Variants in HDAC2 observed in about 807,000 individuals in gnomAD.
HDAC2 encodes the protein YY1-associated factor 1.
Under a neutral mutation model 68.5 loss-of-function variants are expected in HDAC2, and 5 were observed. The observed-to-expected ratio is 0.07, with a 90% confidence interval of 0.04 to 0.15. The LOEUF is 0.15. Among genes scored for constraint, HDAC2 ranks in the 10% least tolerant of loss-of-function variants. The probability of loss-of-function intolerance (pLI) is 1.00; values close to 1 mark genes in which losing one functional copy is unlikely to be tolerated. For missense variants in HDAC2, 291 were observed against 600.8 expected (o/e 0.48, Z 5.39); for synonymous variants, 182 against 191.3 (o/e 0.95, Z 0.40).
chr6:113,965,511 G>A (rs1410435705), intron 1 of HDAC2, among the ~76,000 whole-genome samples: 1 of 152,084 alleles, frequency 6.6e-6, no homozygotes, highest in Non-Finnish European at 1.5e-5. Flanking sequence ...TGGGATTACA[G>A]GCACCCGTCA....
chr6:113,965,996 TTTTG>T (rs1233355564), intron 1 of HDAC2, among the ~76,000 whole-genome samples: 4 of 127,562 alleles, frequency 3.1e-5, no homozygotes, highest in South Asian at 2.6e-4. Flanking sequence ...TGTTAAGGAG[TTTTG>T]TTTGTTTGGT....
intron 8 of HDAC2, chr6:113,947,971 A>G (rs145106247): frequency 2.4e-4 from 36 of 152,264 alleles, no homozygotes; most frequent in African/African-American, 8.7e-4. Flanking sequence ...GTTCACGTGG[A>G]AAAAAACCTC....
Position 113,943,395 on chromosome 6 carries a change from G to T in HDAC2, c.1334C>A (p.Ala445Asp). 6.2e-7 allele frequency: 1 copy of T among 1,608,940 alleles called. No homozygotes were observed. The highest frequency in any genetic ancestry group is 1.1e-5 in the South Asian group (1 of 90,470). ...TTCTTTCTTATCTTCTTCAATTCTA[G>T]CTTTCTTTGCTCCTTTCTTATGATC... ...VADHKKGAKK[A>D]RIEEDKKETE... Residue 445 changes from alanine to aspartate, a missense_variant, in exon 12 of 14, where the codon GCT becomes GAT. Ala to Asp is a moderately radical substitution (Grantham distance 126). Transcript: ENST00000519065.
intron 5 of HDAC2, among the ~76,000 whole-genome samples, chr6:113,954,287 AAAC>A (rs779368688): frequency 2.6e-5 from 4 of 152,226 alleles, no homozygotes; most frequent in African/African-American, 9.6e-5. Context: ...GTGCTAAATA[AAAC>A]AATACAATGT....
At chr6:113,970,127 C>G (rs1361601158) in intron 1 of HDAC2, 2 of 152,116 alleles carry the variant, frequency 1.3e-5, no homozygotes, top group African/African-American at 4.8e-5. Flanking sequence ...CCATTTGAAT[C>G]CTGAGAAAGA....
intron 1 of HDAC2, chr6:113,962,347 G>A (rs1714803456): frequency 4.6e-6 from 4 of 872,732 alleles, no homozygotes; most frequent in Admixed American, 6.2e-5. Flanking sequence ...ATAACAACAG[G>A]GAATGTCAAG....
At chr6:113,954,808 A>T (rs970836752) in intron 5 of HDAC2, among the ~76,000 whole-genome samples, 2 of 152,234 alleles carry the variant, frequency 1.3e-5, no homozygotes, top group Non-Finnish European at 2.9e-5. Flanking sequence ...AGTATAATAC[A>T]AAGTAGAATC....
intron 12 of HDAC2, among the ~76,000 whole-genome samples, chr6:113,942,432 T>TAA (rs5879239): frequency 0.25 from 35,770 of 141,586 alleles, 4,633 homozygotes; most frequent in East Asian, 0.3. Flanking sequence ...CTCTCTAGTT[T>TAA]AAAAAAAAAA....
At position 113,970,936 on chromosome 6, in the gene HDAC2, GCTC is replaced by G. The variant is rs752605124; in HGVS notation, c.-31_-29del. On this transcript the variant is annotated 5_prime_UTR_variant, in exon 1 of 14. Coordinates refer to ENST00000519065, the MANE Select transcript of HDAC2 (RefSeq NM_001527.4). Reference sequence around the variant, plus strand: ...GCTCCCCGGCCACCGCCGCCACCGGGCTCCTCCTCCTGCTGCTGCTGCTGCTGC... The same window carrying G: ...GCTCCCCGGCCACCGCCGCCACCGGGCTCCTCCTGCTGCTGCTGCTGCTGC... 17 of 1,552,470 alleles carry G rather than the reference GCTC, an allele frequency of 1.1e-5. No homozygotes were observed. The highest frequency in any genetic ancestry group is 3.6e-5 in the South Asian group (3 of 84,458).
intron 13 of HDAC2, among the ~76,000 whole-genome samples, chr6:113,941,488 C>T (rs1337924232): frequency 1.3e-5 from 2 of 151,984 alleles, no homozygotes; most frequent in African/African-American, 4.8e-5. Context: ...AAACTACGTA[C>T]AAGAATACAA....
chr6:113,959,596 T>TAA lies in HDAC2; in HGVS notation c.165+308_165+309dup, dbSNP rs771822379. ...AGCACAGGCAGATTAACAATTATTG[T>TAA]AAAAAAAAAAAAAAAAAAAAAAATA... On this transcript the variant is annotated intron_variant, in intron 2 of 13. Coordinates refer to ENST00000519065, the MANE Select transcript of HDAC2 (RefSeq NM_001527.4). The TAA allele has an allele frequency of 2.4e-3, 295 of 122,242 alleles. 1 individual carries two copies. Among genetic ancestry groups the TAA allele is most frequent in the East Asian group, 3.7e-3 (16 of 4,320 alleles). 7.6% of individuals were successfully genotyped at this position (122,242 alleles called of 1,614,324 possible).
intron 6 of HDAC2, among the ~76,000 whole-genome samples, chr6:113,951,790 A>T (rs1776425992): frequency 6.6e-6 from 1 of 152,162 alleles, no homozygotes; most frequent in Non-Finnish European, 1.5e-5. Flanking sequence ...ATCTTAAGTG[A>T]GAAAAAGAGA....
intron 1 of HDAC2, among the ~76,000 whole-genome samples, chr6:113,965,903 T>G (rs990359827): frequency 6.6e-6 from 1 of 152,218 alleles, no homozygotes; most frequent in Non-Finnish European, 1.5e-5. Context: ...AAGTTTGAAT[T>G]TATTAACATT....
chr6:113,954,618 A>C (rs1776504052), intron 5 of HDAC2, among the ~76,000 whole-genome samples: 1 of 152,224 alleles, frequency 6.6e-6, no homozygotes, highest in Non-Finnish European at 1.5e-5. Flanking sequence ...CAGTCAATTA[A>C]AAAACAAGGC....
At chr6:113,947,363 G>A (rs531349619) in intron 8 of HDAC2, 1 of 152,240 alleles carries the variant, frequency 6.6e-6, no homozygotes, top group Non-Finnish European at 1.5e-5. Context: ...ATGGAAAAGA[G>A]ATAACTAACT....
rs181279597 is a variant in HDAC2, at chr6:113,964,161, G to A, written c.53-4143C>T. Reference sequence around the variant, plus strand: ...AGGTTAAGATTTTGATTCCAAATGAGTTACCAAAATTTTTTTCAATTTTCA... The same window carrying A: ...AGGTTAAGATTTTGATTCCAAATGAATTACCAAAATTTTTTTCAATTTTCA... On this transcript the variant is annotated intron_variant, in intron 1 of 13. Coordinates refer to ENST00000519065, the MANE Select transcript of HDAC2 (RefSeq NM_001527.4). 2.5e-4 allele frequency among the ~76,000 whole-genome samples: 38 copies of A among 151,728 alleles called. No individual in the cohort carries two copies. In the East Asian group the frequency reaches 6.8e-3, roughly 27 times the overall value.
Position 113,944,302 on chromosome 6 carries a change from T to G in HDAC2, c.1200A>C (p.Glu400Asp). 6.2e-7 allele frequency: 1 copy of G among 1,612,574 alleles called. No individual in the cohort carries two copies. Among genetic ancestry groups the G allele is most frequent in the Non-Finnish European group, 8.5e-7 (1 of 1,178,620 alleles). ...TACTAGAAATTCTCTTGTCTGGATCTTCTCCATCTTCATCTCCACTGTCTT... is the reference window on the plus strand; with the variant it reads ...TACTAGAAATTCTCTTGTCTGGATCGTCTCCATCTTCATCTCCACTGTCTT... ...VHEDSGDEDG[E>D]DPDKRISIRA... Residue 400 changes from glutamate (E) to aspartate (D), a missense_variant, in exon 11 of 14, where the codon GAA becomes GAC. By Grantham distance (45) the Glu-to-Asp change is conservative (BLOSUM62 2). This residue lies in a region of HDAC2 where 137 missense variants were observed against 128.7 expected (regional missense o/e 1.06). Coordinates refer to ENST00000519065, the MANE Select transcript of HDAC2 (RefSeq NM_001527.4).
chr6:113,970,152 C>T (rs1296856309), intron 1 of HDAC2: 3 of 152,240 alleles, frequency 2.0e-5, no homozygotes, highest in African/African-American at 7.2e-5. Flanking sequence ...CTCAAAGAAC[C>T]CAGCGAACAA....
At chr6:113,944,484 T>C in intron 10 of HDAC2, 74 bp from the exon 11 acceptor site, 6 of 1,333,844 alleles carry the variant, frequency 4.5e-6, no homozygotes, top group East Asian at 2.4e-5. Context: ...AGAAAATATT[T>C]AGCAAAAAAT....
Sources: allele counts gnomAD v4.1 joint callset (sites outside exome capture counted in the v4.1 genomes callset), GRCh38; gene constraint gnomAD v4.1.1; regional missense constraint gnomAD v4.1.1; transcripts MANE v1.5; gene names NCBI Gene and HGNC (gene_info 2026-07-23, HGNC 2026-07-21).